ASAP2: variants seen among roughly 807,000 people sequenced by gnomAD.
ASAP2 encodes the protein arf-GAP with SH3 domain, ANK repeat and PH domain-containing protein 2.
ASAP2 carries 45 observed loss-of-function variants against 131.4 expected under a neutral mutation model. The observed-to-expected ratio is 0.34, with a 90% confidence interval of 0.27 to 0.44. The LOEUF (loss-of-function observed/expected upper bound fraction) is 0.44, where lower values mean the gene tolerates loss of function less well. ASAP2 is among the 20% of genes least tolerant of loss of function. The pLI is 1.00. For missense variants in ASAP2, 1,011 were observed against 1,297.0 expected, an observed-to-expected ratio of 0.78 and a Z score of 3.39; for synonymous variants, 510 against 503.0, an observed-to-expected ratio of 1.01 and a Z score of -0.19.
chr2:9,370,563 T>C (rs1673869473), intron 16 of ASAP2, among the ~76,000 whole-genome samples: 1 of 152,146 alleles, frequency 6.6e-6, no homozygotes, highest in South Asian at 2.1e-4. Context: ...GGCAGATTGT[T>C]TAACTTCTCT....
At position 9,368,522 on chromosome 2, in the gene ASAP2, A is replaced by G; in HGVS notation, c.1556+3A>G. ...AAACCCAACCCAGGCAGCGACATGT[A>G]AGTATGGGACTGGCTATTCTCATTT... On this transcript the variant is annotated splice_donor_region_variant and intron_variant, in intron 16 of 27. Transcript: ENST00000281419. The G allele has an allele frequency of 6.2e-7, 1 of 1,612,810 alleles. No individual in the cohort carries two copies. The highest frequency in any genetic ancestry group is 1.1e-5 in the South Asian group (1 of 91,062).
chr2:9,313,528 C>T (rs1285887550), intron 3 of ASAP2, among the ~76,000 whole-genome samples: 1 of 152,234 alleles, frequency 6.6e-6, no homozygotes, highest in African/African-American at 2.4e-5. Flanking sequence ...CCCACCTTAT[C>T]ACTGGATGGT....
intron 1 of ASAP2, among the ~76,000 whole-genome samples, chr2:9,224,208 C>T (rs1662610607): frequency 6.6e-6 from 1 of 152,072 alleles, no homozygotes; most frequent in Non-Finnish European, 1.5e-5. Context: ...GTGACTGGTG[C>T]CGAGCAAGAG....
intron 21 of ASAP2, among the ~76,000 whole-genome samples, chr2:9,387,079 G>A (rs1034311902): frequency 1.3e-4 from 19 of 145,402 alleles, no homozygotes; most frequent in African/African-American, 2.3e-4. Context: ...GGTGGTGGGT[G>A]GGGGGGCGCC....
chr2:9,321,447 C>G (rs1339281555), intron 5 of ASAP2, among the ~76,000 whole-genome samples: 1 of 152,210 alleles, frequency 6.6e-6, no homozygotes. Context: ...GAGGCCCCCA[C>G]CCAGGATCCC....
At chr2:9,375,533 A>T (rs1674340316) in intron 17 of ASAP2, among the ~76,000 whole-genome samples, 1 of 152,228 alleles carries the variant, frequency 6.6e-6, no homozygotes, top group African/African-American at 2.4e-5. Flanking sequence ...TCACAGGCTC[A>T]TCCATTTTTA....
At chr2:9,316,963 A>AC (rs199779613) in intron 3 of ASAP2, among the ~76,000 whole-genome samples, 1 of 58,126 alleles carries the variant, frequency 1.7e-5, no homozygotes, top group Admixed American at 1.8e-4. Flanking sequence ...CCTCCCACAC[A>AC]CCCCCCGTCA....
At chr2:9,371,769 A>C (rs565067175) in intron 16 of ASAP2, among the ~76,000 whole-genome samples, 1 of 152,260 alleles carries the variant, frequency 6.6e-6, no homozygotes, top group Non-Finnish European at 1.5e-5. Context: ...CCCTCCTCTG[A>C]ACACCAAATG....
At chr2:9,402,506 C>A (rs1676820653) in intron 27 of ASAP2, among the ~76,000 whole-genome samples, 1 of 152,204 alleles carries the variant, frequency 6.6e-6, no homozygotes, top group Non-Finnish European at 1.5e-5. Context: ...CCTGTAATCC[C>A]AGCTACTCGG....
chr2:9,369,057 TACCC>T (rs1446556264), intron 16 of ASAP2, among the ~76,000 whole-genome samples: 2 of 152,012 alleles, frequency 1.3e-5, no homozygotes, highest in Non-Finnish European at 2.9e-5. Context: ...TCACTCTTGT[TACCC>T]AGGCTGGAGT....
chr2:9,373,862 G>A (rs1674176381), intron 16 of ASAP2, among the ~76,000 whole-genome samples: 1 of 152,222 alleles, frequency 6.6e-6, no homozygotes, highest in Non-Finnish European at 1.5e-5. Context: ...TAAAATGCAT[G>A]TACTCTGTGA....
Position 9,388,390 on chromosome 2 carries a change from G to A in ASAP2, c.2227G>A (p.Ala743Thr). The A allele has an allele frequency of 6.2e-7, 1 of 1,614,150 alleles. No homozygotes were observed. Among genetic ancestry groups the A allele is most frequent in the Non-Finnish European group, 8.5e-7 (1 of 1,180,028 alleles). ...SNAVSLARDAANLAKEKQRAF... is the reference protein window; with the variant it reads ...SNAVSLARDATNLAKEKQRAF... The stretch of plus-strand genomic sequence containing the variant: ...CGCTGTATCTTTGGCCAGAGATGCT[G>A]CAAACCTTGCCAAGGAGAAGCAGAG... The change falls in exon 22 of 28, where the codon GCA becomes ACA. Residue 743 changes from alanine to threonine, a missense_variant. Ala to Thr is a moderately conservative substitution (Grantham distance 58, BLOSUM62 0). Transcript: ENST00000281419.
Position 9,360,255 on chromosome 2 carries a change from A to G in ASAP2, c.1461+1366A>G, listed in dbSNP as rs191351416. On this transcript the variant is annotated intron_variant, in intron 15 of 27. Transcript: ENST00000281419. ...ATGTATTTTGCAGGCCACTTTATATATACTAGGCTCATTTGATCTCCAGTA... is the reference window on the plus strand; with the variant it reads ...ATGTATTTTGCAGGCCACTTTATATGTACTAGGCTCATTTGATCTCCAGTA... 1.3e-3 allele frequency among the ~76,000 whole-genome samples: 203 copies of G among 152,324 alleles called. 1 individual carries two copies. The highest frequency in any genetic ancestry group is 0.012 in the South Asian group (58 of 4,834).
intron 4 of ASAP2, 35 bp from the exon 5 acceptor site, chr2:9,320,252 AT>A: frequency 6.4e-7 from 1 of 1,556,412 alleles, no homozygotes; most frequent in Non-Finnish European, 8.9e-7. Flanking sequence ...GAAGTGAATG[AT>A]TAGTCTTGCC....
intron 9 of ASAP2, among the ~76,000 whole-genome samples, chr2:9,344,249 C>G (rs1456889856): frequency 6.6e-6 from 1 of 152,130 alleles, no homozygotes; most frequent in African/African-American, 2.4e-5. Flanking sequence ...GGGGTTAAGG[C>G]TCGTAATGAA....
intron 1 of ASAP2, among the ~76,000 whole-genome samples, chr2:9,229,536 G>A (rs534637067): frequency 5.9e-5 from 9 of 152,340 alleles, no homozygotes; most frequent in South Asian, 2.1e-4. Flanking sequence ...GGCCCAGCAT[G>A]TGTCTAGGGA....
chr2:9,259,562 A>C (rs535697238), intron 1 of ASAP2, among the ~76,000 whole-genome samples: 147 of 77,172 alleles, frequency 1.9e-3, no homozygotes, highest in African/African-American at 9.6e-3. Context: ...TCAGCCCAAA[A>C]CCTTAAGGAA....
intron 16 of ASAP2, among the ~76,000 whole-genome samples, chr2:9,369,809 A>G (rs1428135200): frequency 6.6e-6 from 1 of 152,200 alleles, no homozygotes; most frequent in Non-Finnish European, 1.5e-5. Flanking sequence ...TGGTTTCACA[A>G]ATAGGTGGTA....
At chr2:9,250,911 GAACT>G in intron 1 of ASAP2, among the ~76,000 whole-genome samples, 1 of 152,332 alleles carries the variant, frequency 6.6e-6, no homozygotes, top group Middle Eastern at 3.4e-3. Context: ...TGCTCCCGGG[GAACT>G]TAAAACAGTG....
Sources: allele counts gnomAD v4.1 joint callset (sites outside exome capture counted in the v4.1 genomes callset), GRCh38; gene constraint gnomAD v4.1.1; transcripts MANE v1.5; gene names NCBI Gene and HGNC (gene_info 2026-07-23, HGNC 2026-07-21).